Variants in PPP3CA observed in about 807,000 individuals in gnomAD.
PPP3CA encodes the protein protein phosphatase 3 catalytic subunit alpha.
A neutral mutation model predicts 66.5 loss-of-function variants in PPP3CA; 14 were observed. The observed-to-expected ratio is 0.21, with a 90% CI of 0.14 to 0.33. The LOEUF is 0.33. Among genes scored for constraint, PPP3CA ranks in the 10% least tolerant of loss-of-function variants. The probability of loss-of-function intolerance (pLI) is 1.00; values close to 1 mark genes in which losing one functional copy is unlikely to be tolerated. For synonymous variants in PPP3CA, 232 were observed against 226.2 expected (o/e 1.03, Z -0.23); for missense variants, 317 against 639.5 (o/e 0.50, Z 5.44).
intron 1 of PPP3CA, among the ~76,000 whole-genome samples, chr4:101,249,408 T>TA (rs1726601018): frequency 1.3e-5 from 2 of 152,194 alleles, no homozygotes; most frequent in East Asian, 3.9e-4. Context: ...AAGCATCCAT[T>TA]AAAAAATACA....
chr4:101,073,339 T>C (rs1421491864), intron 8 of PPP3CA, among the ~76,000 whole-genome samples: 1 of 151,254 alleles, frequency 6.6e-6, no homozygotes, highest in African/African-American at 2.4e-5. Flanking sequence ...TGCAATGGCG[T>C]GATCTCAGCT....
chr4:101,077,622 GAAATTTTGTTTA>G (rs1244668843), intron 8 of PPP3CA, among the ~76,000 whole-genome samples: 2 of 152,068 alleles, frequency 1.3e-5, no homozygotes, highest in Admixed American at 6.5e-5. Context: ...AAAGTCTTTT[GAAATTTTGTTTA>G]AACTAAAGAA....
chr4:101,029,315 A>T, intron 12 of PPP3CA, 120 bp from the exon 13 acceptor site: 1 of 495,338 alleles, frequency 2.0e-6, no homozygotes, highest in Non-Finnish European at 3.6e-6. Context: ...TGTAAGTGCT[A>T]GATTCTGGCA....
chr4:101,325,660 G>A (rs550199699), intron 1 of PPP3CA, among the ~76,000 whole-genome samples: 10 of 151,882 alleles, frequency 6.6e-5, no homozygotes, highest in Non-Finnish European at 1.2e-4. Context: ...GGCAAATGAC[G>A]GCTAACCATA....
At chr4:101,033,769 C>T (rs1480610656) in intron 11 of PPP3CA, among the ~76,000 whole-genome samples, 1 of 152,150 alleles carries the variant, frequency 6.6e-6, no homozygotes, top group African/African-American at 2.4e-5. Context: ...AACTTCATAC[C>T]CATTAAGCAG....
At position 101,083,189 on chromosome 4, in the gene PPP3CA, G is replaced by C. The variant is rs185115989; in HGVS notation, c.857C>G (p.Ala286Gly). The C allele has an allele frequency of 6.6e-7, 1 of 1,506,326 alleles. No individual in the cohort carries two copies. The highest frequency in any genetic ancestry group is 1.4e-5 in the African/African-American group (1 of 70,696). 93.3% of individuals were successfully genotyped at this position (1,506,326 alleles called of 1,614,324 possible). A position where few individuals can be genotyped will look rare whatever the true frequency, so the allele number is the denominator to read the frequency against. The change falls in exon 7 of 14, where the codon GCA becomes GGA. Residue 286 changes from alanine to glycine, a missense_variant. This residue lies in a region of PPP3CA where 201 missense variants were observed against 501.4 expected (regional missense o/e 0.40). Coordinates refer to ENST00000394854, the MANE Select transcript of PPP3CA (RefSeq NM_000944.5). ...SILRAHEAQDAGYRMYRKSQT... is the reference protein window; with the variant it reads ...SILRAHEAQDGGYRMYRKSQT... ...ATAAATGCTCAAAACTGCTCACCCT[G>C]CATCTTGGGCTTCGTGGGCTCGGAG... is the stretch of plus-strand genomic sequence containing the variant.
chr4:101,040,236 T>C (rs765531331), intron 11 of PPP3CA, among the ~76,000 whole-genome samples: 3 of 152,134 alleles, frequency 2.0e-5, no homozygotes, highest in Non-Finnish European at 4.4e-5. Context: ...CTATAGCAAA[T>C]AGAGGAATAA....
intron 2 of PPP3CA, among the ~76,000 whole-genome samples, chr4:101,124,509 G>T (rs1722132870): frequency 6.6e-6 from 1 of 151,718 alleles, no homozygotes; most frequent in South Asian, 2.1e-4. Context: ...CTACTTGGAA[G>T]GCTGAGGCAG....
At chr4:101,296,348 G>T (rs1301284980) in intron 1 of PPP3CA, among the ~76,000 whole-genome samples, 1 of 152,040 alleles carries the variant, frequency 6.6e-6, no homozygotes, top group Non-Finnish European at 1.5e-5. Context: ...TAAGTATTTT[G>T]TATGTGAAAA....
intron 1 of PPP3CA, among the ~76,000 whole-genome samples, chr4:101,228,680 A>C (rs1725858619): frequency 6.6e-6 from 1 of 151,632 alleles, no homozygotes; most frequent in Admixed American, 6.6e-5. Flanking sequence ...ACTGCAATTC[A>C]CAAACAGCCA....
chr4:101,342,430 AG>A (rs1729846415), intron 1 of PPP3CA, among the ~76,000 whole-genome samples: 1 of 152,180 alleles, frequency 6.6e-6, no homozygotes, highest in Admixed American at 6.6e-5. Context: ...TAGTCCCAAA[AG>A]GAAATGTTAA....
chr4:101,030,961 G>T (rs78652208), intron 12 of PPP3CA, among the ~76,000 whole-genome samples: 85 of 13,630 alleles, frequency 6.2e-3, no homozygotes, highest in African/African-American at 0.04. Context: ...TTTTGTGTGT[G>T]TTTTTTTTTT....
intron 11 of PPP3CA, among the ~76,000 whole-genome samples, chr4:101,035,356 C>G (rs1452963342): frequency 6.6e-6 from 1 of 152,116 alleles, no homozygotes; most frequent in African/African-American, 2.4e-5. Context: ...TCTGAGAAAG[C>G]CAAGTAAATT....
intron 2 of PPP3CA, among the ~76,000 whole-genome samples, chr4:101,151,588 A>G (rs1723140604): frequency 6.8e-6 from 1 of 146,896 alleles, no homozygotes; most frequent in Admixed American, 6.8e-5. Context: ...GTTTACTCTC[A>G]TTTCATTTTT....
intron 3 of PPP3CA, among the ~76,000 whole-genome samples, chr4:101,108,440 T>C (rs1293373132): frequency 6.6e-6 from 1 of 152,216 alleles, no homozygotes; most frequent in Non-Finnish European, 1.5e-5. Context: ...AAAATCTTAC[T>C]ATTTACCATT....
chr4:101,149,281 C>G (rs932908682), intron 2 of PPP3CA, among the ~76,000 whole-genome samples: 1 of 152,174 alleles, frequency 6.6e-6, no homozygotes, highest in Non-Finnish European at 1.5e-5. Context: ...TTTGCCTTCA[C>G]ATGCTTTATC....
intron 13 of PPP3CA, among the ~76,000 whole-genome samples, chr4:101,026,683 CCACTT>C (rs909915101): frequency 2.6e-5 from 4 of 151,988 alleles, no homozygotes; most frequent in African/African-American, 9.7e-5. Flanking sequence ...ACTCCTGTCT[CCACTT>C]AACTTTGGAA....
intron 1 of PPP3CA, among the ~76,000 whole-genome samples, chr4:101,308,931 G>A (rs186634316): frequency 9.2e-5 from 14 of 152,246 alleles, no homozygotes; most frequent in African/African-American, 2.9e-4. Context: ...GCATTGTGGC[G>A]CATGGGCAAC....
intron 2 of PPP3CA, among the ~76,000 whole-genome samples, chr4:101,145,908 A>C (rs537954105): frequency 6.6e-6 from 1 of 152,182 alleles, no homozygotes; most frequent in African/African-American, 2.4e-5. Context: ...TTCATAACCT[A>C]TGAGCTTAAA....
Sources: gnomAD v4.1 joint callset for allele counts (sites outside exome capture counted in the v4.1 genomes callset) on GRCh38, gnomAD v4.1.1 for gene constraint, gnomAD v4.1.1 regional missense constraint, MANE v1.5 for transcripts, NCBI Gene and HGNC (gene_info 2026-07-23, HGNC 2026-07-21) for gene names.